Variants in EXPH5 observed in about 807,000 individuals in gnomAD.
EXPH5 encodes the protein exophilin 5, also known as exophilin-5.
In EXPH5, 42 loss-of-function variants were observed where a neutral mutation model predicts 41.1. The ratio of observed to expected loss-of-function variants is 1.02; its 90% CI spans 0.80 to 1.32. EXPH5 has a LOEUF of 1.32. EXPH5 is among the 40% of genes most tolerant of loss of function. The probability of loss-of-function intolerance (pLI) is 0.00; values close to 1 mark genes in which losing one functional copy is unlikely to be tolerated. For missense variants in EXPH5, 2,298 were observed against 2,314.5 expected, an observed-to-expected ratio of 0.99 and a Z score of 0.15; for synonymous variants, 798 against 833.5, an observed-to-expected ratio of 0.96 and a Z score of 0.73.
At chr11:108,562,284 T>G (rs74836562) in intron 1 of EXPH5, among the ~76,000 whole-genome samples, 1 of 124,758 alleles carries the variant, frequency 8.0e-6, no homozygotes, top group Non-Finnish European at 1.7e-5. Context: ...TTTTTTTTTT[T>G]GTAATTGTGA....
At chr11:108,522,178 G>C (rs373817561) in intron 4 of EXPH5, among the ~76,000 whole-genome samples, 4 of 150,808 alleles carry the variant, frequency 2.7e-5, no homozygotes, top group African/African-American at 9.9e-5. Flanking sequence ...CTCTGCAAGG[G>C]TGAGGTTAGT....
At position 108,510,682 on chromosome 11, in the gene EXPH5, C is replaced by A; in HGVS notation, c.4825G>T (p.Asp1609Tyr). The change falls in exon 6 of 6, where the codon GAT becomes TAT. Residue 1609 changes from aspartate (D) to tyrosine (Y), a missense_variant. Coordinates refer to ENST00000265843, the MANE Select transcript of EXPH5 (RefSeq NM_015065.3). ...GCTACATGTCTTCTGGGGCTTACAT[C>A]TTTAGCTGGGAATTTTCTGCTGGCT... ...SKASRKFPAK[D>Y]VSPRRHVATI... 1.2e-6 allele frequency: 2 copies of A among 1,614,154 alleles called. No homozygotes were observed. The highest frequency in any genetic ancestry group is 1.7e-6 in the Non-Finnish European group (2 of 1,180,022).
the EXPH5 span, among the ~76,000 whole-genome samples, chr11:108,606,734 G>T: frequency 1.3e-5 from 2 of 151,866 alleles, no homozygotes; most frequent in Non-Finnish European, 2.9e-5. Flanking sequence ...CCTCATACAG[G>T]TTTTTTTCAG....
Position 108,574,716 on chromosome 11 carries a change from A to T in EXPH5, c.119+18702T>A, listed in dbSNP as rs138867183. ...TTTCTTGCTTTTCTAATTCCCTTGC[A>T]GCTAAGGATGACCATATGACATGGT... On this transcript the variant is annotated intron_variant, in intron 1 of 5. Transcript: ENST00000265843. 1.7e-4 allele frequency among the ~76,000 whole-genome samples: 26 copies of T among 152,302 alleles called. No individual in the cohort carries two copies. The East Asian group carries it at 4.4e-3, about 26-fold the overall frequency.
intron 1 of EXPH5, among the ~76,000 whole-genome samples, chr11:108,553,662 G>C (rs1289541611): frequency 6.6e-6 from 1 of 152,052 alleles, no homozygotes; most frequent in African/African-American, 2.4e-5. Flanking sequence ...CATTTGTTTT[G>C]GTATCCCCAG....
chr11:108,576,221 A>G (rs935690288), intron 1 of EXPH5, among the ~76,000 whole-genome samples: 1 of 152,252 alleles, frequency 6.6e-6, no homozygotes, highest in African/African-American at 2.4e-5. Flanking sequence ...TGGCATATGC[A>G]TACAATAGAT....
intron 3 of EXPH5, among the ~76,000 whole-genome samples, chr11:108,531,872 TC>T (rs2135995773): frequency 6.6e-6 from 1 of 152,274 alleles, no homozygotes; most frequent in East Asian, 1.9e-4. Context: ...CAGAAATCCC[TC>T]TCAAACCCAT....
At chr11:108,567,964 C>G (rs2094041864) in intron 1 of EXPH5, 1 of 152,192 alleles carries the variant, frequency 6.6e-6, no homozygotes, top group African/African-American at 2.4e-5. Flanking sequence ...CTTTGTCTCT[C>G]TTGAGTGACT....
chr11:108,520,496 T>C (rs1277262586), intron 4 of EXPH5, among the ~76,000 whole-genome samples: 1 of 152,226 alleles, frequency 6.6e-6, no homozygotes, highest in Non-Finnish European at 1.5e-5. Flanking sequence ...TTGCTAGTTT[T>C]TCAATGAAAG....
In EXPH5 at chr11:108,513,876, C is replaced by T; in HGVS notation, c.1631G>A (p.Gly544Asp). ...SSGYGTDVSR[G>D]QEEPHPWQFD... ...CTGCCAAGGATGTGGCTCTTCTTGG[C>T]CTCTGGAAACATCTGTTCCATAACC... The change falls in exon 6 of 6, where the codon GGC becomes GAC. Residue 544 changes from glycine to aspartate, a missense_variant. Coordinates refer to ENST00000265843, the MANE Select transcript of EXPH5 (RefSeq NM_015065.3). 2 of 1,612,366 alleles carry T rather than the reference C, an allele frequency of 1.2e-6. No individual in the cohort carries two copies. The highest frequency in any genetic ancestry group is 2.2e-5 in the South Asian group (2 of 90,596).
At chr11:108,564,504 A>G (rs571076933) in intron 1 of EXPH5, among the ~76,000 whole-genome samples, 1 of 152,232 alleles carries the variant, frequency 6.6e-6, no homozygotes, top group Admixed American at 6.5e-5. Context: ...GCATCTCTGT[A>G]CTGTAACATA....
At chr11:108,579,695 G>A (rs1473044906) in intron 1 of EXPH5, among the ~76,000 whole-genome samples, 1 of 152,142 alleles carries the variant, frequency 6.6e-6, no homozygotes, top group Admixed American at 6.5e-5. Flanking sequence ...AATTGTGAAA[G>A]AATGTAAAAT....
intron 4 of EXPH5, among the ~76,000 whole-genome samples, chr11:108,526,572 C>T (rs76349896): frequency 0.013 from 1,917 of 152,316 alleles, 101 homozygotes; most frequent in Admixed American, 0.095. Flanking sequence ...GGGCTCTGTC[C>T]TCTCAGAGGG....
At chr11:108,573,071 AGAG>A (rs2094066293) in intron 1 of EXPH5, among the ~76,000 whole-genome samples, 1 of 143,798 alleles carries the variant, frequency 7.0e-6, no homozygotes, top group African/African-American at 2.6e-5. Context: ...GAAAAAAATA[AGAG>A]AGAGAGAGAG....
chr11:108,529,651 CCTGACCAACATGGTGAAA>C (rs1240413808), intron 3 of EXPH5, among the ~76,000 whole-genome samples: 1 of 152,008 alleles, frequency 6.6e-6, no homozygotes, highest in Non-Finnish European at 1.5e-5. Context: ...TCGAGACCAG[CCTGACCAACATGGTGAAA>C]CCGTGTCTCT....
intron 1 of EXPH5, among the ~76,000 whole-genome samples, chr11:108,557,610 A>G (rs1225050033): frequency 1.3e-5 from 2 of 152,092 alleles, no homozygotes; most frequent in South Asian, 2.1e-4. Context: ...AGCCTCCCGA[A>G]GTGCTGGGAT....
intron 5 of EXPH5, among the ~76,000 whole-genome samples, chr11:108,517,481 C>T (rs1363396992): frequency 6.6e-6 from 1 of 152,214 alleles, no homozygotes; most frequent in Non-Finnish European, 1.5e-5. Flanking sequence ...TGAAGTTCCT[C>T]AAAGTGAAGC....
intron 3 of EXPH5, among the ~76,000 whole-genome samples, chr11:108,530,514 A>G (rs760126639): frequency 3.3e-5 from 5 of 152,040 alleles, no homozygotes; most frequent in Non-Finnish European, 7.3e-5. Context: ...GAATAGCCTG[A>G]GCAAAAGCTT....
In EXPH5 at chr11:108,512,251, A is replaced by C; in HGVS notation, c.3256T>G (p.Ser1086Ala). The change falls in exon 6 of 6, where the codon TCA becomes GCA. Residue 1086 changes from serine (S) to alanine (A), a missense_variant. Transcript: ENST00000265843. Reference sequence around the variant, plus strand: ...TCAGGTGCTTCCAGGGCTGAGTCTGAAAGGACTTTGGAACATTCATTCGCT... The same window carrying C: ...TCAGGTGCTTCCAGGGCTGAGTCTGCAAGGACTTTGGAACATTCATTCGCT... ...ESANECSKVL[S>A]DSALEAPEAT... 6.2e-7 allele frequency: 1 copy of C among 1,611,200 alleles called. No homozygotes were observed. The highest frequency in any genetic ancestry group is 8.5e-7 in the Non-Finnish European group (1 of 1,179,146).
Sources: gnomAD v4.1 joint callset for allele counts (sites outside exome capture counted in the v4.1 genomes callset) on GRCh38, gnomAD v4.1.1 for gene constraint, MANE v1.5 for transcripts, NCBI Gene and HGNC (gene_info 2026-07-23, HGNC 2026-07-21) for gene names.